Variants in GIGYF2 observed in about 807,000 individuals in gnomAD.
The protein encoded by GIGYF2 is GRB10 interacting GYF protein 2.
Under a neutral mutation model 208.1 loss-of-function variants are expected in GIGYF2, and 25 were observed. That is an observed-to-expected ratio of 0.12 (90% CI 0.09 to 0.17). GIGYF2 has a LOEUF of 0.17. Ranked by LOEUF, GIGYF2 falls within the 10% of genes least tolerant of loss-of-function variation. The pLI, the probability that GIGYF2 is intolerant of heterozygous loss-of-function variation, is 1.00. For missense variants in GIGYF2, 1,302 were observed against 1,579.4 expected, an observed-to-expected ratio of 0.82 and a Z score of 2.98; for synonymous variants, 534 against 543.8, an observed-to-expected ratio of 0.98 and a Z score of 0.25.
chr2:232,757,882 G>A (rs1319275300), intron 6 of GIGYF2, among the ~76,000 whole-genome samples: 4 of 151,154 alleles, frequency 2.6e-5, no homozygotes, highest in Admixed American at 2.6e-4. Flanking sequence ...TTGAAATGAA[G>A]GGTTATCACA....
Position 232,839,891 on chromosome 2 carries a change from G to A in GIGYF2, c.2809G>A (p.Ala937Thr). ...GTGGGGCCAGCAGTCCAATACAACA[G>A]CATGTCAGTCCCAGGCCACGCTGTC... ...STWGQQSNTT[A>T]CQSQATLSLA... The change falls in exon 23 of 29, where the codon GCA becomes ACA. Residue 937 changes from alanine to threonine, a missense_variant. By Grantham distance (58) the Ala-to-Thr change is moderately conservative. Transcript: ENST00000373563. 6.2e-7 allele frequency: 1 copy of A among 1,613,878 alleles called. No homozygotes were observed. The highest frequency in any genetic ancestry group is 8.5e-7 in the Non-Finnish European group (1 of 1,179,776).
rs187735605 is a variant in GIGYF2, at chr2:232,792,508, G to C, written c.1282+1062G>C. Among the ~76,000 whole-genome samples, 3 of 152,236 alleles carry C rather than the reference G, an allele frequency of 2.0e-5. No homozygotes were observed. In the East Asian group the frequency reaches 5.8e-4, roughly 29 times the overall value. On this transcript the variant is annotated intron_variant, in intron 12 of 28. Coordinates refer to ENST00000373563, the MANE Select transcript of GIGYF2 (RefSeq NM_001103146.3). ...TCCCAGCTACTCGGGAAGCTGAAAT[G>C]GGGGAGATCACTTGAGCCCAGGAGT...
At chr2:232,701,634 G>T (rs1695848753) in intron 1 of GIGYF2, among the ~76,000 whole-genome samples, 1 of 151,632 alleles carries the variant, frequency 6.6e-6, no homozygotes, top group Non-Finnish European at 1.5e-5. Context: ...ATGTTGCCTA[G>T]GCTGGTCTTA....
Position 232,847,517 on chromosome 2 carries a change from ACAGCAGCAG to A in GIGYF2, c.3641_3649del (p.Gln1214_Gln1216del). ...AGCAGCGTCAGCAGCAGCAGCTGCC[ACAGCAGCAG>A]CAGCAGCAGCCGCCACAGCAGCCGC... On this transcript the variant is annotated inframe_deletion, in exon 27 of 29. Transcript: ENST00000373563. 3.8e-5 allele frequency: 16 copies of A among 415,918 alleles called. No homozygotes were observed. The highest frequency in any genetic ancestry group is 5.7e-5 in the Non-Finnish European group (16 of 279,346). The allele number at this position is 415,918 out of a possible 1,614,324, so 25.8% of individuals were successfully genotyped here.
intron 5 of GIGYF2, among the ~76,000 whole-genome samples, chr2:232,751,973 T>C (rs1046204834): frequency 6.6e-6 from 1 of 152,166 alleles, no homozygotes; most frequent in African/African-American, 2.4e-5. Context: ...AAGGAATATG[T>C]TTAATTTTGT....
chr2:232,803,616 T>A (rs1306316988), intron 14 of GIGYF2, among the ~76,000 whole-genome samples: 1 of 152,096 alleles, frequency 6.6e-6, no homozygotes, highest in African/African-American at 2.4e-5. Context: ...TTGTCAAAAT[T>A]TAGTTAAGCA....
At chr2:232,768,777 C>A in intron 8 of GIGYF2, 1 of 1,600,458 alleles carries the variant, frequency 6.2e-7, no homozygotes, top group Non-Finnish European at 8.5e-7. Flanking sequence ...TGAAAAAGCT[C>A]GATTTTTTGG....
intron 16 of GIGYF2, 22 bp downstream of exon 16, chr2:232,809,833 G>C: frequency 1.1e-5 from 13 of 1,213,178 alleles, no homozygotes; most frequent in Non-Finnish European, 1.6e-5. Flanking sequence ...AATGCAGTAG[G>C]ATGTACTGCA....
chr2:232,718,535 A>G (rs529345997), intron 2 of GIGYF2, among the ~76,000 whole-genome samples: 1 of 152,356 alleles, frequency 6.6e-6, no homozygotes, highest in South Asian at 2.1e-4. Flanking sequence ...TAAAGCTACT[A>G]TGAATCTCTT....
chr2:232,739,376 C>CA (rs1487034550), intron 3 of GIGYF2, among the ~76,000 whole-genome samples: 5 of 82,160 alleles, frequency 6.1e-5, no homozygotes, highest in Admixed American at 1.2e-4. Context: ...CCCCCCCCCG[C>CA]AAAAAAAAAG....
chr2:232,784,553 G>C (rs986136860), intron 8 of GIGYF2, among the ~76,000 whole-genome samples: 2 of 150,818 alleles, frequency 1.3e-5, no homozygotes, highest in African/African-American at 4.9e-5. Flanking sequence ...ACCGCGCCCG[G>C]CTAATTTTTT....
intron 14 of GIGYF2, among the ~76,000 whole-genome samples, chr2:232,800,021 G>A (rs1200988497): frequency 6.6e-6 from 1 of 150,850 alleles, no homozygotes; most frequent in African/African-American, 2.4e-5. Flanking sequence ...TATTCTGGAT[G>A]CTAATCCCTT....
At chr2:232,834,714 C>G (rs908432348) in intron 22 of GIGYF2, among the ~76,000 whole-genome samples, 1 of 152,174 alleles carries the variant, frequency 6.6e-6, no homozygotes, top group Non-Finnish European at 1.5e-5. Flanking sequence ...TGTCTCATTT[C>G]TCTAAGGCTC....
rs755181117 is a variant in GIGYF2, at chr2:232,806,598, A to G, written c.1747A>G (p.Ile583Val). The change falls in exon 15 of 29, where the codon ATC becomes GTC. Residue 583 changes from isoleucine to valine, a missense_variant. By Grantham distance (29) the Ile-to-Val change is conservative. Transcript: ENST00000373563. This position sits in a 1 kb window ranked among gnomAD's most constrained non-coding sequence, Gnocchi z 4.0. The stretch of plus-strand genomic sequence containing the variant: ...TGAAAGCTTCCAACCTCTTGGCGAT[A>G]TCATGAAAATGTGGGGAAGGGTTCC... Reference protein sequence around the residue: ...CDESFQPLGDIMKMWGRVPFS... With the variant: ...CDESFQPLGDVMKMWGRVPFS... 41 of 1,613,300 alleles carry G rather than the reference A, an allele frequency of 2.5e-5. No individual in the cohort carries two copies. In the South Asian group the frequency reaches 4.2e-4, roughly 16 times the overall value.
At position 232,833,049 on chromosome 2, in the gene GIGYF2, A is replaced by G. The variant is rs1426467352; in HGVS notation, c.2722A>G (p.Arg908Gly). 1.3e-6 allele frequency: 2 copies of G among 1,556,294 alleles called. No individual in the cohort carries two copies. The highest frequency in any genetic ancestry group is 1.7e-6 in the Non-Finnish European group (2 of 1,149,588). The change falls in exon 22 of 29, where the codon AGG becomes GGG. Residue 908 changes from arginine to glycine, a missense_variant. Arg to Gly is a moderately radical substitution (Grantham distance 125). Coordinates refer to ENST00000373563, the MANE Select transcript of GIGYF2 (RefSeq NM_001103146.3). ...QRQQQQEALR[R>G]LQQQQQQQQL... The stretch of plus-strand genomic sequence containing the variant: ...GCAGCAGCAGCAAGAGGCTCTCCGG[A>G]GGTTGCAGCAGCAGCAGCAGCAACA...
At chr2:232,710,538 G>T (rs1377056772) in intron 2 of GIGYF2, among the ~76,000 whole-genome samples, 1 of 152,140 alleles carries the variant, frequency 6.6e-6, no homozygotes, top group Non-Finnish European at 1.5e-5. Flanking sequence ...ATATTGTTCT[G>T]TCTTCATAGG....
intron 28 of GIGYF2, among the ~76,000 whole-genome samples, chr2:232,851,192 C>CTA (rs922666409): frequency 2.0e-5 from 3 of 152,058 alleles, no homozygotes; most frequent in Non-Finnish European, 4.4e-5. Context: ...TGGTGCCCAC[C>CTA]TATAGTCCCA....
intron 28 of GIGYF2, among the ~76,000 whole-genome samples, chr2:232,854,478 G>A (rs1424973365): frequency 6.6e-6 from 1 of 152,132 alleles, no homozygotes; most frequent in Non-Finnish European, 1.5e-5. Flanking sequence ...GGGCGACAGA[G>A]TGAGACCTTG....
chr2:232,710,468 A>G (rs1237298007), intron 2 of GIGYF2, among the ~76,000 whole-genome samples: 1 of 152,114 alleles, frequency 6.6e-6, no homozygotes, highest in African/African-American at 2.4e-5. Flanking sequence ...AAACCCAGCA[A>G]ATGTTTAATG....
Sources: allele counts gnomAD v4.1 joint callset (sites outside exome capture counted in the v4.1 genomes callset), GRCh38; gene constraint gnomAD v4.1.1; non-coding constraint Gnocchi (gnomAD v3.1); transcripts MANE v1.5; gene names NCBI Gene and HGNC (gene_info 2026-07-23, HGNC 2026-07-21).